Variants in CLDN15 observed in about 807,000 individuals in gnomAD.
CLDN15 encodes claudin-15.
In CLDN15, 9 loss-of-function variants were observed where a neutral mutation model predicts 24.5. The ratio of observed to expected loss-of-function variants is 0.37; its 90% CI spans 0.22 to 0.64. CLDN15 has a LOEUF of 0.64. CLDN15 is among the 30% of genes least tolerant of loss of function. The pLI is 0.63. For synonymous variants in CLDN15, 149 were observed against 131.4 expected, an observed-to-expected ratio of 1.13 and a Z score of -0.92; for missense variants, 248 against 305.9, an observed-to-expected ratio of 0.81 and a Z score of 1.41.
intron 1 of CLDN15, among the ~76,000 whole-genome samples, chr7:101,235,930 G>C (rs926245171): frequency 6.6e-6 from 1 of 152,126 alleles, no homozygotes; most frequent in African/African-American, 2.4e-5. Flanking sequence ...CCCCTCTCCT[G>C]CCTGTGTGAT....
rs538395662 is a variant in CLDN15 at position 101,236,261 on chromosome 7, G to T, written c.217+1104C>A. ...ACTCAGCTTTTATAGGGTTTTTTTTGGGGGGGGGGCCCGCCGGCCCTGCAT... is the reference window on the plus strand; with the variant it reads ...ACTCAGCTTTTATAGGGTTTTTTTTTGGGGGGGGGCCCGCCGGCCCTGCAT... On this transcript the variant is annotated intron_variant, in intron 1 of 4. Coordinates refer to ENST00000308344, the MANE Select transcript of CLDN15 (RefSeq NM_014343.3). Among the ~76,000 whole-genome samples the T allele has an allele frequency of 3.7e-3, 521 of 140,114 alleles. 1 individual carries two copies. The highest frequency in any genetic ancestry group is 0.011 in the African/African-American group (411 of 38,734). 91.9% of individuals were successfully genotyped at this position (140,114 alleles called of 152,430 possible).
Position 101,237,609 on chromosome 7 carries a change from G to C in CLDN15, c.-28C>G. 5 of 1,561,192 alleles carry C rather than the reference G, an allele frequency of 3.2e-6. No individual in the cohort carries two copies. The highest frequency in any genetic ancestry group is 4.4e-6 in the Non-Finnish European group (5 of 1,132,704). Reference sequence around the variant, plus strand: ...TGGGATGCAGGACCCTGGGGGGCTGGTGCCCCAGAGAGGGGGAGGGGCAGA... The same window carrying C: ...TGGGATGCAGGACCCTGGGGGGCTGCTGCCCCAGAGAGGGGGAGGGGCAGA... On this transcript the variant is annotated 5_prime_UTR_variant, in exon 1 of 5. Transcript: ENST00000308344. The surrounding 1 kb of genome is among the most constrained non-coding windows in gnomAD (Gnocchi z 4.0).
chr7:101,236,459 C>T (rs796582533), intron 1 of CLDN15, among the ~76,000 whole-genome samples: 108 of 152,328 alleles, frequency 7.1e-4, no homozygotes, highest in African/African-American at 2.4e-3. Context: ...GTGTCGCCCT[C>T]GGCTCCTTCC....
At chr7:101,236,176 G>A (rs1798617734) in intron 1 of CLDN15, among the ~76,000 whole-genome samples, 1 of 152,166 alleles carries the variant, frequency 6.6e-6, no homozygotes, top group African/African-American at 2.4e-5. Context: ...AGTGGGTGTA[G>A]GGGCTGCCTC....
chr7:101,232,256 G>C lies in CLDN15; in HGVS notation c.*154C>G. The C allele has an allele frequency of 1.7e-6, 1 of 598,168 alleles. No individual in the cohort carries two copies. The highest frequency in any genetic ancestry group is 2.0e-5 in the South Asian group (1 of 49,590). 37.1% of individuals were successfully genotyped at this position (598,168 alleles called of 1,614,324 possible). On this transcript the variant is annotated 3_prime_UTR_variant, in exon 5 of 5. Transcript: ENST00000308344. Reference sequence around the variant, plus strand: ...CAAGAGCAGTTCTTGGCCTGGAGGGGCCATGAGAGTGCAAGACACGGGGCC... The same window carrying C: ...CAAGAGCAGTTCTTGGCCTGGAGGGCCCATGAGAGTGCAAGACACGGGGCC...
At chr7:101,236,824 T>C (rs1233379851) in intron 1 of CLDN15, 2 of 1,291,044 alleles carry the variant, frequency 1.5e-6, no homozygotes, top group Admixed American at 2.3e-5. Flanking sequence ...GGGCCCTTTA[T>C]AGACATCAGC....
intron 2 of CLDN15, 62 bp from the exon 3 acceptor site, chr7:101,232,976 A>C: frequency 2.2e-6 from 2 of 927,816 alleles, no homozygotes; most frequent in Non-Finnish European, 3.4e-6. Context: ...GAGGGGGCTT[A>C]GGGGAGAGGC....
chr7:101,235,940 T>A (rs3807511), intron 1 of CLDN15, among the ~76,000 whole-genome samples: 1 of 151,862 alleles, frequency 6.6e-6, no homozygotes, highest in Non-Finnish European at 1.5e-5. Flanking sequence ...GCCTGTGTGA[T>A]TCAGGGTGGG....
chr7:101,238,048 G>C (rs58557289), upstream of CLDN15: 3,579 of 234,064 alleles, frequency 0.015, 122 homozygotes, highest in African/African-American at 0.074. Flanking sequence ...AAAGAACGGA[G>C]TAAGAGGGAC....
At position 101,237,035 on chromosome 7, in the gene CLDN15, T is replaced by G. The variant is rs575668703; in HGVS notation, c.217+330A>C. 1.1e-4 allele frequency: 49 copies of G among 456,620 alleles called. No individual in the cohort carries two copies. Among genetic ancestry groups the G allele is most frequent in the African/African-American group, 9.1e-4 (46 of 50,574 alleles). 28.3% of individuals were successfully genotyped at this position (456,620 alleles called of 1,614,324 possible). ...CATTCTGCACTTTCTCAGTCACCTG[T>G]GAACTGGGACTCTCACCCTAACCCT... On this transcript the variant is annotated intron_variant, in intron 1 of 4. Transcript: ENST00000308344. The surrounding 1 kb of genome is among the most constrained non-coding windows in gnomAD (Gnocchi z 4.0).
rs770339306 is a variant in CLDN15, at chr7:101,237,631, C to A, written c.-50G>T. 52 of 1,392,634 alleles carry A rather than the reference C, an allele frequency of 3.7e-5. No individual in the cohort carries two copies. Among genetic ancestry groups the A allele is most frequent in the Non-Finnish European group, 4.8e-5 (47 of 983,268 alleles). 86.3% of individuals were successfully genotyped at this position (1,392,634 alleles called of 1,614,324 possible). ...CTGGTGCCCCAGAGAGGGGGAGGGG[C>A]AGAACCCCTAGGGAACTGGAAGGGG... On this transcript the variant is annotated 5_prime_UTR_variant, in exon 1 of 5. Coordinates refer to ENST00000308344, the MANE Select transcript of CLDN15 (RefSeq NM_014343.3). This position sits in a 1 kb window ranked among gnomAD's most constrained non-coding sequence, Gnocchi z 4.0.
At position 101,232,198 on chromosome 7, in the gene CLDN15, G is replaced by A. The variant is rs1227362969; in HGVS notation, c.*212C>T. On this transcript the variant is annotated 3_prime_UTR_variant, in exon 5 of 5. Coordinates refer to ENST00000308344, the MANE Select transcript of CLDN15 (RefSeq NM_014343.3). The stretch of plus-strand genomic sequence containing the variant: ...CAGAACCCAGGGTCAGAAGATGAGG[G>A]ATCCAGCCTCAGAGGGGAGATATGC... 1 of 548,494 alleles carries A rather than the reference G, an allele frequency of 1.8e-6. No individual in the cohort carries two copies. The highest frequency in any genetic ancestry group is 1.9e-5 in the African/African-American group (1 of 51,644). The allele number at this position is 548,494 out of a possible 1,614,324, so 34.0% of individuals were successfully genotyped here.
Position 101,232,193 on chromosome 7 carries a change from T to C in CLDN15, c.*217A>G. Reference sequence around the variant, plus strand: ...CAGCCCAGAACCCAGGGTCAGAAGATGAGGGATCCAGCCTCAGAGGGGAGA... The same window carrying C: ...CAGCCCAGAACCCAGGGTCAGAAGACGAGGGATCCAGCCTCAGAGGGGAGA... On this transcript the variant is annotated 3_prime_UTR_variant, in exon 5 of 5. Coordinates refer to ENST00000308344, the MANE Select transcript of CLDN15 (RefSeq NM_014343.3). 1 of 543,788 alleles carries C rather than the reference T, an allele frequency of 1.8e-6. No homozygotes were observed. The highest frequency in any genetic ancestry group is 3.3e-6 in the Non-Finnish European group (1 of 307,296). The allele number at this position is 543,788 out of a possible 1,614,324, so 33.7% of individuals were successfully genotyped here.
chr7:101,233,978 C>T (rs1798573421), intron 2 of CLDN15: 1 of 577,536 alleles, frequency 1.7e-6, no homozygotes, highest in Non-Finnish European at 3.3e-6. Flanking sequence ...CACCCTAACT[C>T]TGCTCCCCAG....
At position 101,232,326 on chromosome 7, in the gene CLDN15, A is replaced by G; in HGVS notation, c.*84T>C. ...GGGAGCGGGGCGTGGCCGGCCCCTG[A>G]GGTTACTATAGGGGAATGGGCCCCG... On this transcript the variant is annotated 3_prime_UTR_variant, in exon 5 of 5. Coordinates refer to ENST00000308344, the MANE Select transcript of CLDN15 (RefSeq NM_014343.3). 1.0e-6 allele frequency: 1 copy of G among 958,936 alleles called. No homozygotes were observed. Among genetic ancestry groups the G allele is most frequent in the Non-Finnish European group, 1.6e-6 (1 of 631,820 alleles). 59.4% of individuals were successfully genotyped at this position (958,936 alleles called of 1,614,324 possible). A position where few individuals can be genotyped will look rare whatever the true frequency, so the allele number is the denominator to read the frequency against.
chr7:101,236,861 C>T (rs1798636413), intron 1 of CLDN15: 2 of 1,261,886 alleles, frequency 1.6e-6, no homozygotes, highest in South Asian at 1.2e-5. Flanking sequence ...TGCCCCCCGA[C>T]AGTGAGGCTG....
chr7:101,234,513 C>T (rs889190839), intron 1 of CLDN15, 71 bp from the exon 2 acceptor site: 3 of 1,110,518 alleles, frequency 2.7e-6, no homozygotes, highest in African/African-American at 3.1e-5. Context: ...CAGCCCCTCA[C>T]CATCCCAGGT....
chr7:101,232,801 G>A, intron 3 of CLDN15, 32 bp downstream of exon 3: 4 of 1,587,974 alleles, frequency 2.5e-6, no homozygotes, highest in Non-Finnish European at 2.6e-6. Context: ...CCGCTGCCCC[G>A]AGGGCGGGGG....
chr7:101,237,314 T>C lies in CLDN15; in HGVS notation c.217+51A>G. On this transcript the variant is annotated intron_variant, in intron 1 of 4. Transcript: ENST00000308344. The surrounding 1 kb of genome is among the most constrained non-coding windows in gnomAD (Gnocchi z 4.0). Reference sequence around the variant, plus strand: ...GAAGTACCCGCCCTCCCCTGGGGTCTCTGCAGCTTCCCCGCCGCCCTCTCT... The same window carrying C: ...GAAGTACCCGCCCTCCCCTGGGGTCCCTGCAGCTTCCCCGCCGCCCTCTCT... The C allele has an allele frequency of 2.5e-6, 3 of 1,221,242 alleles. No individual in the cohort carries two copies. Among genetic ancestry groups the C allele is most frequent in the Non-Finnish European group, 3.6e-6 (3 of 844,186 alleles). The allele number at this position is 1,221,242 out of a possible 1,614,324, so 75.7% of individuals were successfully genotyped here. A position where few individuals can be genotyped will look rare whatever the true frequency, so the allele number is the denominator to read the frequency against.
Sources: gnomAD v4.1 joint callset for allele counts (sites outside exome capture counted in the v4.1 genomes callset) on GRCh38, gnomAD v4.1.1 for gene constraint, Gnocchi (gnomAD v3.1) non-coding constraint, MANE v1.5 for transcripts, NCBI Gene and HGNC (gene_info 2026-07-23, HGNC 2026-07-21) for gene names.